Variants in KBTBD8 observed in about 807,000 individuals in gnomAD.
The protein encoded by KBTBD8 is kelch repeat and BTB domain-containing protein 8.
Under a neutral mutation model 53.5 loss-of-function variants are expected in KBTBD8, and 31 were observed. The observed-to-expected ratio is 0.58, with a 90% CI of 0.44 to 0.78. The LOEUF is 0.78. Among genes scored for constraint, KBTBD8 ranks in the 30% least tolerant of loss-of-function variants. The pLI is 0.00. For synonymous variants in KBTBD8, 250 were observed against 247.3 expected, an observed-to-expected ratio of 1.01 and a Z score of -0.10; for missense variants, 642 against 735.8, an observed-to-expected ratio of 0.87 and a Z score of 1.48.
Position 67,003,505 on chromosome 3 carries a change from C to A in KBTBD8, c.538C>A (p.Leu180Met). 6.2e-7 allele frequency: 1 copy of A among 1,614,024 alleles called. No homozygotes were observed. Among genetic ancestry groups the A allele is most frequent in the Non-Finnish European group, 8.5e-7 (1 of 1,179,954 alleles). Residue 180 changes from leucine to methionine, a missense_variant, in exon 3 of 4, where the codon CTG becomes ATG. By Grantham distance (15) the Leu-to-Met change is conservative. Coordinates refer to ENST00000417314, the MANE Select transcript of KBTBD8 (RefSeq NM_032505.3). ...RSKEYIRKKF[L>M]CVTKEQEFLQ... Reference sequence around the variant, plus strand: ...AAAAGAATACATTCGTAAAAAGTTTCTGTGTGTCACCAAAGAACAAGAGTT... The same window carrying A: ...AAAAGAATACATTCGTAAAAAGTTTATGTGTGTCACCAAAGAACAAGAGTT...
chr3:67,007,826 T>A, intron 3 of KBTBD8, 96 bp from the exon 4 acceptor site: 2 of 634,152 alleles, frequency 3.2e-6, no homozygotes, highest in Non-Finnish European at 5.3e-6. Flanking sequence ...TATAGCAAAT[T>A]ATGCCCTTTA....
Position 67,003,590 on chromosome 3 carries a change from A to T in KBTBD8, c.623A>T (p.Asp208Val), listed in dbSNP as rs1389452590. The T allele has an allele frequency of 6.2e-7, 1 of 1,613,902 alleles. No individual in the cohort carries two copies. Among genetic ancestry groups the T allele is most frequent in the Admixed American group, 1.7e-5 (1 of 60,008 alleles). The part of the protein sequence containing the change: ...SILDSDDLNV[D>V]REEHVYESII... ...CTAGACAGTGACGATTTAAATGTAGACCGAGAAGAGCATGTTTATGAAAGC... is the reference window on the plus strand; with the variant it reads ...CTAGACAGTGACGATTTAAATGTAGTCCGAGAAGAGCATGTTTATGAAAGC... The change falls in exon 3 of 4, where the codon GAC becomes GTC. Residue 208 changes from aspartate (D) to valine (V), a missense_variant. By Grantham distance (152) the Asp-to-Val change is radical. Transcript: ENST00000417314.
chr3:67,006,379 C>T (rs1702064101), intron 3 of KBTBD8, among the ~76,000 whole-genome samples: 1 of 152,204 alleles, frequency 6.6e-6, no homozygotes. Context: ...TAAGAGGACT[C>T]TGAAGCCCTA....
At chr3:66,998,440 G>A (rs997432428) in intron 1 of KBTBD8, 69 bp downstream of exon 1, 1 of 1,180,546 alleles carries the variant, frequency 8.5e-7, no homozygotes, top group Non-Finnish European at 1.1e-6. Flanking sequence ...GCCGGCCACA[G>A]GCAGTGGGAT....
At chr3:66,998,453 G>A (rs1701982318) in intron 1 of KBTBD8, 82 bp downstream of exon 1, 1 of 1,096,062 alleles carries the variant, frequency 9.1e-7, no homozygotes, top group Non-Finnish European at 1.2e-6. Context: ...AGTGGGATGA[G>A]GACGTAGCGG....
intron 1 of KBTBD8, among the ~76,000 whole-genome samples, chr3:66,998,754 T>A (rs377618888): frequency 6.6e-6 from 1 of 152,094 alleles, no homozygotes; most frequent in Non-Finnish European, 1.5e-5. Flanking sequence ...CTCGCCGGGC[T>A]CCGCAGGAGC....
chr3:67,008,681 C>A lies in KBTBD8; in HGVS notation c.*296C>A. 3.0e-6 allele frequency: 1 copy of A among 330,338 alleles called. No individual in the cohort carries two copies. Among genetic ancestry groups the A allele is most frequent in the Non-Finnish European group, 5.6e-6 (1 of 178,488 alleles). 20.5% of individuals were successfully genotyped at this position (330,338 alleles called of 1,614,324 possible). A position where few individuals can be genotyped will look rare whatever the true frequency, so the allele number is the denominator to read the frequency against. On this transcript the variant is annotated 3_prime_UTR_variant, in exon 4 of 4. Transcript: ENST00000417314. ...AACTGAGGTACCAGATGAATCAGGA[C>A]AACTATGCACTCTTATAAGAGCATT... is the stretch of plus-strand genomic sequence containing the variant.
chr3:67,004,597 T>C (rs1702048185), intron 3 of KBTBD8, among the ~76,000 whole-genome samples: 1 of 152,234 alleles, frequency 6.6e-6, no homozygotes, highest in African/African-American at 2.4e-5. Flanking sequence ...TAATAAATAA[T>C]AGTTCGGCAT....
intron 3 of KBTBD8, among the ~76,000 whole-genome samples, chr3:67,005,047 T>G (rs774468834): frequency 6.6e-6 from 1 of 152,224 alleles, no homozygotes; most frequent in Non-Finnish European, 1.5e-5. Context: ...ACTACTACTT[T>G]GGCAAAAATA....
At chr3:66,999,906 A>G (rs1460512383) in intron 2 of KBTBD8, among the ~76,000 whole-genome samples, 1 of 152,250 alleles carries the variant, frequency 6.6e-6, no homozygotes, top group Non-Finnish European at 1.5e-5. Flanking sequence ...ATTGTCTACT[A>G]TAAAACTTTT....
At position 67,009,791 on chromosome 3, in the gene KBTBD8, T is replaced by G. The variant is rs1467537430; in HGVS notation, c.*1406T>G. ...ACATGTTTTACTAAGCCTAGAGTAA[T>G]TCGTAAAGGGTATAAGCATAGGACA... On this transcript the variant is annotated 3_prime_UTR_variant, in exon 4 of 4. Coordinates refer to ENST00000417314, the MANE Select transcript of KBTBD8 (RefSeq NM_032505.3). The G allele has an allele frequency of 6.6e-6, 1 of 152,622 alleles. No homozygotes were observed. The highest frequency in any genetic ancestry group is 1.5e-5 in the Non-Finnish European group (1 of 68,014). The allele number at this position is 152,622 out of a possible 1,614,324, so 9.5% of individuals were successfully genotyped here. A position where few individuals can be genotyped will look rare whatever the true frequency, so the allele number is the denominator to read the frequency against.
chr3:66,999,983 G>A (rs754996786), intron 2 of KBTBD8, among the ~76,000 whole-genome samples: 2 of 152,344 alleles, frequency 1.3e-5, no homozygotes, highest in South Asian at 2.1e-4. Flanking sequence ...GGAAAAGGCA[G>A]TTTTCTGCAT....
rs1702113550 is a variant in KBTBD8, at chr3:67,011,195, C to A, written c.*2810C>A. Reference sequence around the variant, plus strand: ...ATGTCATTGTTTCTTATAATAAAACCTTTTCTGATTGAAAACTTCCAGTGT... The same window carrying A: ...ATGTCATTGTTTCTTATAATAAAACATTTTCTGATTGAAAACTTCCAGTGT... On this transcript the variant is annotated 3_prime_UTR_variant, in exon 4 of 4. Coordinates refer to ENST00000417314, the MANE Select transcript of KBTBD8 (RefSeq NM_032505.3). 1 of 152,444 alleles carries A rather than the reference C, an allele frequency of 6.6e-6. No individual in the cohort carries two copies. The highest frequency in any genetic ancestry group is 1.5e-5 in the Non-Finnish European group (1 of 67,992). 9.4% of individuals were successfully genotyped at this position (152,444 alleles called of 1,614,324 possible).
intron 3 of KBTBD8, among the ~76,000 whole-genome samples, chr3:67,007,412 G>A (rs1370075407): frequency 1.3e-5 from 2 of 149,612 alleles, no homozygotes; most frequent in Non-Finnish European, 1.5e-5. Flanking sequence ...TTCACCTCCT[G>A]GGTTCAAGTG....
At chr3:67,007,284 C>T (rs1238495566) in intron 3 of KBTBD8, among the ~76,000 whole-genome samples, 1 of 150,536 alleles carries the variant, frequency 6.6e-6, no homozygotes. Context: ...TCTATAAACA[C>T]ACAAATTGGA....
At chr3:67,005,110 T>C (rs1045480740) in intron 3 of KBTBD8, among the ~76,000 whole-genome samples, 1 of 152,184 alleles carries the variant, frequency 6.6e-6, no homozygotes, top group Non-Finnish European at 1.5e-5. Context: ...GATTCAAGGC[T>C]CTGATTTGTG....
At position 67,008,416 on chromosome 3, in the gene KBTBD8, A is replaced by G. The variant is rs761690479; in HGVS notation, c.*31A>G. 1.4e-6 allele frequency: 2 copies of G among 1,431,020 alleles called. No individual in the cohort carries two copies. The highest frequency in any genetic ancestry group is 1.9e-6 in the Non-Finnish European group (2 of 1,038,588). The allele number at this position is 1,431,020 out of a possible 1,614,324, so 88.6% of individuals were successfully genotyped here. ...TAGCAGGCCTTAGTGCATCACTGGC[A>G]TCTCATTCTTAGGAAACTTGTCTTT... On this transcript the variant is annotated 3_prime_UTR_variant, in exon 4 of 4. Coordinates refer to ENST00000417314, the MANE Select transcript of KBTBD8 (RefSeq NM_032505.3).
At position 67,007,159 on chromosome 3, in the gene KBTBD8, AAT is replaced by A. The variant is rs1702069827; in HGVS notation, c.1343-761_1343-760del. On this transcript the variant is annotated intron_variant, in intron 3 of 3. Coordinates refer to ENST00000417314, the MANE Select transcript of KBTBD8 (RefSeq NM_032505.3). Reference sequence around the variant, plus strand: ...AATTCCATCTGCTGTCTTCTAATTAAATAGCATACACATTTATCATGGCATAT... The same window carrying A: ...AATTCCATCTGCTGTCTTCTAATTAAAGCATACACATTTATCATGGCATAT... 3.9e-5 allele frequency among the ~76,000 whole-genome samples: 6 copies of A among 152,348 alleles called. No individual in the cohort carries two copies. In the South Asian group the frequency reaches 1.2e-3, roughly 32 times the overall value.
In KBTBD8 at chr3:67,010,981, A is replaced by G. The variant is rs1702112099; in HGVS notation, c.*2596A>G. 6.6e-6 allele frequency: 1 copy of G among 152,530 alleles called. No individual in the cohort carries two copies. Among genetic ancestry groups the G allele is most frequent in the African/African-American group, 2.4e-5 (1 of 41,416 alleles). The allele number at this position is 152,530 out of a possible 1,614,324, so 9.4% of individuals were successfully genotyped here. A position where few individuals can be genotyped will look rare whatever the true frequency, so the allele number is the denominator to read the frequency against. ...AAGTTGATGCTTAAGCATCAAGCTG[A>G]TTTTATTGGTCATGAGAACAAATGG... On this transcript the variant is annotated 3_prime_UTR_variant, in exon 4 of 4. Transcript: ENST00000417314.
Sources: gnomAD v4.1 joint callset for allele counts (sites outside exome capture counted in the v4.1 genomes callset) on GRCh38, gnomAD v4.1.1 for gene constraint, MANE v1.5 for transcripts, NCBI Gene and HGNC (gene_info 2026-07-23, HGNC 2026-07-21) for gene names.